Variants in MYH7B observed in about 807,000 individuals in gnomAD.
The protein encoded by MYH7B is myosin-7B.
MYH7B carries 205 observed loss-of-function variants against 234.5 expected under a neutral mutation model. That is an observed-to-expected ratio of 0.87 (90% CI 0.78 to 0.98). MYH7B has a LOEUF of 0.98. Ranked by LOEUF, MYH7B falls within the 50% of genes least tolerant of loss-of-function variation. The probability of loss-of-function intolerance (pLI) is 0.00; values close to 1 mark genes in which losing one functional copy is unlikely to be tolerated. For missense variants in MYH7B, 2,652 were observed against 2,633.4 expected, an observed-to-expected ratio of 1.01 and a Z score of -0.15; for synonymous variants, 1,193 against 1,105.0, an observed-to-expected ratio of 1.08 and a Z score of -1.58.
chr20:34,965,259 A>C (rs4911455), intron 2 of MYH7B, among the ~76,000 whole-genome samples: 44,875 of 152,132 alleles, frequency 0.29, 6,933 homozygotes, highest in African/African-American at 0.34. Flanking sequence ...GTTTGCACAT[A>C]GGCAGTTGGA....
At chr20:34,994,001 CCCCTCA>C in intron 26 of MYH7B, 139 bp from the exon 27 acceptor site, 3 of 1,098,058 alleles carry the variant, frequency 2.7e-6, no homozygotes, top group Non-Finnish European at 4.0e-6. Context: ...CTGTGGGCCT[CCCCTCA>C]CCCTCACCTA....
chr20:34,964,373 T>C (rs947828551), intron 2 of MYH7B, among the ~76,000 whole-genome samples: 2 of 152,224 alleles, frequency 1.3e-5, no homozygotes, highest in Non-Finnish European at 1.5e-5. Flanking sequence ...GGGCCCAGAA[T>C]AACCCTTTAC....
chr20:35,000,395 C>T (rs1199801809), exon 39 of MYH7B: 1 of 1,600,050 alleles, frequency 6.2e-7, no homozygotes, highest in East Asian at 2.2e-5. Flanking sequence ...TGGAGGGTGA[C>T]CTCAACGACC....
chr20:34,986,099 G>C lies in MYH7B; in HGVS notation c.806-1G>C. 4 of 1,578,004 alleles carry C rather than the reference G, an allele frequency of 2.5e-6. No homozygotes were observed. The highest frequency in any genetic ancestry group is 3.4e-6 in the Non-Finnish European group (4 of 1,160,226). On this transcript the variant is annotated splice_acceptor_variant, in intron 13 of 44. Transcript: ENST00000262873. LOFTEE classifies it high-confidence loss of function. ...GGCAGGCCAGCGTCCCTTCTCCCCAGATCTCCTGGAGAAGTCGCGGGTGAT... is the reference window on the plus strand; with the variant it reads ...GGCAGGCCAGCGTCCCTTCTCCCCACATCTCCTGGAGAAGTCGCGGGTGAT...
At chr20:35,002,123 G>GA in intron 44 of MYH7B, 38 bp downstream of exon 44, 1 of 1,609,726 alleles carries the variant, frequency 6.2e-7, no homozygotes, top group East Asian at 2.2e-5. Flanking sequence ...TGTGCAGGGG[G>GA]ACTGTGGGGG....
At chr20:34,994,444 A>G in intron 27 of MYH7B, 43 bp downstream of exon 27, 1 of 1,529,972 alleles carries the variant, frequency 6.5e-7, no homozygotes, top group Non-Finnish European at 8.8e-7. Context: ...CCCAGCCCCG[A>G]GTACCCCTGG....
intron 2 of MYH7B, among the ~76,000 whole-genome samples, chr20:34,967,796 G>T (rs561573360): frequency 4.6e-4 from 70 of 152,320 alleles, no homozygotes; most frequent in African/African-American, 1.6e-3. Context: ...AACTACATGG[G>T]AAACTGACCA....
intron 43 of MYH7B, 185 bp downstream of exon 43, chr20:35,001,711 C>CT: frequency 1.2e-6 from 1 of 818,590 alleles, no homozygotes; most frequent in South Asian, 1.8e-5. Flanking sequence ...ACCCCATGTG[C>CT]TTTCCCCTGG....
At chr20:34,998,490 C>G in intron 33 of MYH7B, 21 bp from the exon 34 acceptor site, 2 of 1,612,738 alleles carry the variant, frequency 1.2e-6, no homozygotes, top group Non-Finnish European at 1.7e-6. Flanking sequence ...CTGACCTGTC[C>G]GCTCGCCTCT....
intron 3 of MYH7B, among the ~76,000 whole-genome samples, chr20:34,976,553 C>T (rs1013693840): frequency 2.6e-5 from 4 of 152,236 alleles, no homozygotes; most frequent in African/African-American, 2.4e-5. Flanking sequence ...GGACTGCCAG[C>T]GCCCTGAACC....
chr20:34,977,016 T>C (rs2081862847), intron 3 of MYH7B, among the ~76,000 whole-genome samples: 1 of 151,942 alleles, frequency 6.6e-6, no homozygotes, highest in African/African-American at 2.4e-5. Flanking sequence ...TGTTTGCGCT[T>C]TGCAGATGTC....
chr20:34,983,501 A>G (rs1428336367), intron 10 of MYH7B, among the ~76,000 whole-genome samples: 2 of 151,970 alleles, frequency 1.3e-5, no homozygotes, highest in Non-Finnish European at 2.9e-5. Flanking sequence ...AGTGACAGGA[A>G]GAGATGTCAG....
exon 37 of MYH7B, chr20:34,999,661 A>G: frequency 1.2e-6 from 2 of 1,613,792 alleles, no homozygotes. Flanking sequence ...GAAGGCGAGA[A>G]GAGTGAGATC....
Position 34,999,052 on chromosome 20 carries a change from C to T in MYH7B, c.4191-4C>T, listed in dbSNP as rs1241452544. 1.2e-6 allele frequency: 2 copies of T among 1,605,416 alleles called. No individual in the cohort carries two copies. Among genetic ancestry groups the T allele is most frequent in the East Asian group, 4.5e-5 (2 of 44,814 alleles). On this transcript the variant is annotated splice_region_variant and splice_polypyrimidine_tract_variant and intron_variant, in intron 35 of 44. Transcript: ENST00000262873. Reference sequence around the variant, plus strand: ...TCCACACCTTGTCTGGTTCCATGGCCTAGAAAAAAGCTGGCACTGCGGCTG... The same window carrying T: ...TCCACACCTTGTCTGGTTCCATGGCTTAGAAAAAAGCTGGCACTGCGGCTG...
chr20:34,999,961 A>G, intron 38 of MYH7B, 55 bp downstream of exon 38: 1 of 1,481,954 alleles, frequency 6.7e-7, no homozygotes, highest in Non-Finnish European at 9.3e-7. Flanking sequence ...GGAGGGAAGC[A>G]GTGTGTACTC....
At chr20:34,966,685 A>G (rs6058149) in intron 2 of MYH7B, among the ~76,000 whole-genome samples, 38,172 of 152,108 alleles carry the variant, frequency 0.25, 5,205 homozygotes, top group Non-Finnish European at 0.31. Context: ...ACATTATATC[A>G]ATGTCAATAG....
intron 16 of MYH7B, 31 bp from the exon 17 acceptor site, chr20:34,987,523 GTCC>G (rs1272399345): frequency 2.6e-6 from 4 of 1,524,168 alleles, no homozygotes; most frequent in East Asian, 2.3e-5. Flanking sequence ...GCATGGTGGT[GTCC>G]TCCTCCCTTA....
chr20:34,983,288 C>CTTTTTTTTTT (rs1360056840), intron 10 of MYH7B, among the ~76,000 whole-genome samples: 2 of 64,098 alleles, frequency 3.1e-5, no homozygotes, highest in African/African-American at 7.4e-5. Flanking sequence ...TCTTTCTTTT[C>CTTTTTTTTTT]TTTTCTTTTC....
rs747018865 is a variant in MYH7B, at chr20:34,990,335, C to A, written c.1977+25C>A. On this transcript the variant is annotated intron_variant, in intron 22 of 44. Coordinates refer to ENST00000262873, the Ensembl canonical transcript of MYH7B. ...GGTAAGGCCCCATCTGGGAGACAGA[C>A]CCTCCCTCTTGGCAGCCTCCAGCCC... 3.1e-6 allele frequency: 5 copies of A among 1,613,292 alleles called. No individual in the cohort carries two copies. The African/African-American group carries it at 5.3e-5, about 17-fold the overall frequency.
Sources: allele counts gnomAD v4.1 joint callset (sites outside exome capture counted in the v4.1 genomes callset), GRCh38; gene constraint gnomAD v4.1.1; transcripts MANE v1.5; gene names NCBI Gene and HGNC (gene_info 2026-07-23, HGNC 2026-07-21).